Variants in SLC22A9 observed in about 807,000 individuals in gnomAD.
SLC22A9 encodes organic anion transporter 7.
Under a neutral mutation model 50.1 loss-of-function variants are expected in SLC22A9, and 64 were observed. The ratio of observed to expected loss-of-function variants is 1.28; its 90% confidence interval spans 1.04 to 1.57. The LOEUF (loss-of-function observed/expected upper bound fraction) is 1.57. Among genes scored for constraint, SLC22A9 ranks in the 40% most tolerant of loss-of-function variants. SLC22A9 has a pLI of 0.00. For missense variants in SLC22A9, 757 were observed against 676.1 expected (o/e 1.12, Z -1.33); for synonymous variants, 261 against 242.5 (o/e 1.08, Z -0.71).
At chr11:63,409,682 G>T in intron 9 of SLC22A9, 120 bp from the exon 10 acceptor site, 2 of 1,006,996 alleles carry the variant, frequency 2.0e-6, no homozygotes, top group South Asian at 3.0e-5. Flanking sequence ...GCAGAGATAT[G>T]GTTTTTACCA....
In SLC22A9 at chr11:63,401,034, CA is replaced by C. The variant is rs568500276; in HGVS notation, c.1074-5462del. On this transcript the variant is annotated intron_variant, in intron 6 of 9. Transcript: ENST00000279178. ...AATAAGATCATATGTAACAAACCCA[CA>C]GCTAACACCATAGAGAATGGGGAAA... is the stretch of plus-strand genomic sequence containing the variant. 8.2e-4 allele frequency among the ~76,000 whole-genome samples: 125 copies of C among 152,172 alleles called. 1 individual carries two copies. The highest frequency in any genetic ancestry group is 3.0e-3 in the African/African-American group (124 of 41,552).
At chr11:63,405,954 A>G (rs1007491101) in intron 6 of SLC22A9, among the ~76,000 whole-genome samples, 3 of 152,316 alleles carry the variant, frequency 2.0e-5, no homozygotes, top group African/African-American at 7.2e-5. Context: ...TCATTTTACG[A>G]TAATTTAAAA....
intron 6 of SLC22A9, among the ~76,000 whole-genome samples, chr11:63,401,011 TAAG>T: frequency 6.6e-6 from 1 of 151,756 alleles, no homozygotes; most frequent in Non-Finnish European, 1.5e-5. Context: ...CTCAAAACAA[TAAG>T]ATCATATGTA....
chr11:63,396,379 C>A (rs986036990), intron 6 of SLC22A9, among the ~76,000 whole-genome samples: 1 of 152,172 alleles, frequency 6.6e-6, no homozygotes, highest in African/African-American at 2.4e-5. Context: ...CTGCTGCTTC[C>A]TCTGCCCCTG....
chr11:63,402,072 T>G (rs1021740069), intron 6 of SLC22A9, among the ~76,000 whole-genome samples: 2 of 152,192 alleles, frequency 1.3e-5, no homozygotes, highest in Non-Finnish European at 2.9e-5. Context: ...GTCTGTTTAC[T>G]CTGGTGTTAG....
At position 63,410,268 on chromosome 11, in the gene SLC22A9, G is replaced by GGAAAGAAAGAAAGAAAGAAA. The variant is rs1357829553; in HGVS notation, c.*422_*423insGAAAGAAAGAAAGAAAGAAA. On this transcript the variant is annotated 3_prime_UTR_variant, in exon 10 of 10. Coordinates refer to ENST00000279178, the MANE Select transcript of SLC22A9 (RefSeq NM_080866.3). ...AAAAAAAAAAAAAAAAAAGAAAGAAGGAAAGAAAGAAAGAAAAGAAAAGAA... is the reference window on the plus strand; with the variant it reads ...AAAAAAAAAAAAAAAAAAGAAAGAAGGAAAGAAAGAAAGAAAGAAAGAAAGAAAGAAAGAAAAGAAAAGAA... The GGAAAGAAAGAAAGAAAGAAA allele has an allele frequency of 1.5e-5, 2 of 130,324 alleles. No individual in the cohort carries two copies. The highest frequency in any genetic ancestry group is 1.6e-5 in the Non-Finnish European group (1 of 64,192). 8.1% of individuals were successfully genotyped at this position (130,324 alleles called of 1,614,324 possible). A position where few individuals can be genotyped will look rare whatever the true frequency, so the allele number is the denominator to read the frequency against.
rs60902635 is a variant in SLC22A9 at position 63,404,381 on chromosome 11, G to A, written c.1074-2116G>A. Among the ~76,000 whole-genome samples the A allele has an allele frequency of 3.9e-3, 598 of 152,146 alleles. 5 individuals carry two copies. Among genetic ancestry groups the A allele is most frequent in the African/African-American group, 0.014 (575 of 41,490 alleles). On this transcript the variant is annotated intron_variant, in intron 6 of 9. Transcript: ENST00000279178. ...CAGTTATGCAAGATGCAAATGTCTT[G>A]GAAATCTGCTGTACAACATTATGCT...
chr11:63,401,255 C>A (rs1322705320), intron 6 of SLC22A9, among the ~76,000 whole-genome samples: 1 of 151,952 alleles, frequency 6.6e-6, no homozygotes. Context: ...TACAAAAACC[C>A]AAAGACCCTC....
intron 6 of SLC22A9, among the ~76,000 whole-genome samples, chr11:63,391,182 CACTT>C (rs748880729): frequency 2.7e-4 from 41 of 151,954 alleles, no homozygotes; most frequent in Admixed American, 2.0e-4. Context: ...CCAGATAAGA[CACTT>C]AATATAATTT....
chr11:63,396,602 A>G (rs1476850674), intron 6 of SLC22A9, among the ~76,000 whole-genome samples: 1 of 152,142 alleles, frequency 6.6e-6, no homozygotes, highest in Non-Finnish European at 1.5e-5. Flanking sequence ...GGGTCCTTTC[A>G]GGAATCCCGT....
chr11:63,369,943 G>A lies in SLC22A9; in HGVS notation c.-114G>A. 3.8e-6 allele frequency: 4 copies of A among 1,050,686 alleles called. No homozygotes were observed. Among genetic ancestry groups the A allele is most frequent in the Non-Finnish European group, 5.4e-6 (4 of 734,638 alleles). The allele number at this position is 1,050,686 out of a possible 1,614,324, so 65.1% of individuals were successfully genotyped here. A position where few individuals can be genotyped will look rare whatever the true frequency, so the allele number is the denominator to read the frequency against. On this transcript the variant is annotated 5_prime_UTR_variant, in exon 1 of 10. Coordinates refer to ENST00000279178, the MANE Select transcript of SLC22A9 (RefSeq NM_080866.3). Reference sequence around the variant, plus strand: ...AGCACAGTCGTCAAGAAGAGAGTGGGGTCAGGATCAAAACACATTTAGTGT... The same window carrying A: ...AGCACAGTCGTCAAGAAGAGAGTGGAGTCAGGATCAAAACACATTTAGTGT...
chr11:63,394,413 G>T (rs1000452814), intron 6 of SLC22A9, among the ~76,000 whole-genome samples: 1 of 152,022 alleles, frequency 6.6e-6, no homozygotes, highest in Non-Finnish European at 1.5e-5. Context: ...TCTTGTAGGG[G>T]TGGCTTAGTA....
intron 4 of SLC22A9, 104 bp downstream of exon 4, chr11:63,374,166 G>A: frequency 1.8e-6 from 2 of 1,107,104 alleles, no homozygotes; most frequent in Non-Finnish European, 2.5e-6. Context: ...AAACCTGAGA[G>A]CACGTCCTCT....
intron 6 of SLC22A9, among the ~76,000 whole-genome samples, chr11:63,406,201 T>C (rs1182117722): frequency 6.6e-6 from 1 of 152,196 alleles, no homozygotes; most frequent in African/African-American, 2.4e-5. Context: ...CTTTGAAAAG[T>C]CTTCAGAAAT....
chr11:63,396,818 T>TTCTC (rs1348507475), intron 6 of SLC22A9, among the ~76,000 whole-genome samples: 1 of 152,192 alleles, frequency 6.6e-6, no homozygotes, highest in Non-Finnish European at 1.5e-5. Context: ...CCATTCTGAA[T>TTCTC]TCTCTGTGTG....
chr11:63,399,408 T>C (rs2014917263), intron 6 of SLC22A9, among the ~76,000 whole-genome samples: 1 of 152,186 alleles, frequency 6.6e-6, no homozygotes, highest in Admixed American at 6.5e-5. Context: ...GCTATGGTGA[T>C]ATCCAATAAA....
intron 6 of SLC22A9, among the ~76,000 whole-genome samples, chr11:63,384,148 T>C (rs1386951345): frequency 2.0e-5 from 3 of 152,002 alleles, no homozygotes; most frequent in Admixed American, 2.0e-4. Context: ...ATGAAGACAA[T>C]GACTGTGCTG....
At chr11:63,388,721 T>A (rs1445624674) in intron 6 of SLC22A9, among the ~76,000 whole-genome samples, 1 of 70,512 alleles carries the variant, frequency 1.4e-5, no homozygotes, top group Admixed American at 1.5e-4. Context: ...TCCACCTGTA[T>A]TTTTTTTTTG....
chr11:63,392,875 G>T (rs2014788722), intron 6 of SLC22A9, among the ~76,000 whole-genome samples: 1 of 152,038 alleles, frequency 6.6e-6, no homozygotes, highest in Non-Finnish European at 1.5e-5. Flanking sequence ...ACCTCAATAA[G>T]GGTTGCTTCA....
Sources: allele counts gnomAD v4.1 joint callset (sites outside exome capture counted in the v4.1 genomes callset), GRCh38; gene constraint gnomAD v4.1.1; transcripts MANE v1.5; gene names NCBI Gene and HGNC (gene_info 2026-07-23, HGNC 2026-07-21).